Variants in ADH7 observed in about 807,000 individuals in gnomAD.
The protein encoded by ADH7 is alcohol dehydrogenase 7 (class IV), mu or sigma polypeptide.
In ADH7, 41 loss-of-function variants were observed where a neutral mutation model predicts 34.4. The observed-to-expected ratio is 1.19, with a 90% CI of 0.93 to 1.55. ADH7 has a LOEUF of 1.55. Among genes scored for constraint, ADH7 ranks in the 40% most tolerant of loss-of-function variants. ADH7 has a pLI of 0.00. For synonymous variants in ADH7, 180 were observed against 160.9 expected, an observed-to-expected ratio of 1.12 and a Z score of -0.90; for missense variants, 540 against 461.2, an observed-to-expected ratio of 1.17 and a Z score of -1.56.
At chr4:99,428,878 G>T (rs1470041158) in intron 2 of ADH7, among the ~76,000 whole-genome samples, 6 of 152,124 alleles carry the variant, frequency 3.9e-5, no homozygotes, top group Non-Finnish European at 8.8e-5. Context: ...GTAAATTGGT[G>T]CTCTTGTGAG....
At chr4:99,426,723 A>T (rs1335183679) in intron 5 of ADH7, among the ~76,000 whole-genome samples, 2 of 152,214 alleles carry the variant, frequency 1.3e-5, no homozygotes, top group African/African-American at 4.8e-5. Context: ...GGCCAGCATC[A>T]TCCTGATATC....
At chr4:99,415,357 AT>A in intron 8 of ADH7, 120 bp downstream of exon 8, 3 of 1,069,302 alleles carry the variant, frequency 2.8e-6, no homozygotes, top group Non-Finnish European at 4.2e-6. Context: ...AATTAGCTGT[AT>A]CAATCTGGCT....
intron 5 of ADH7, among the ~76,000 whole-genome samples, chr4:99,426,264 T>A (rs544458386): frequency 6.6e-6 from 1 of 152,100 alleles, no homozygotes; most frequent in South Asian, 2.1e-4. Flanking sequence ...AATTAATGAA[T>A]CATGGAGCTG....
chr4:99,419,918 T>A (rs2584465), intron 6 of ADH7, among the ~76,000 whole-genome samples: 109,451 of 152,106 alleles, frequency 0.72, 40,000 homozygotes, highest in African/African-American at 0.84. Context: ...CCATTTTTCC[T>A]AGTCTCTTTA....
chr4:99,430,859 G>T (rs950776971), intron 1 of ADH7, among the ~76,000 whole-genome samples: 1 of 151,868 alleles, frequency 6.6e-6, no homozygotes, highest in Non-Finnish European at 1.5e-5. Flanking sequence ...GTGTAGTGGC[G>T]CAATCTGGGC....
intron 5 of ADH7, among the ~76,000 whole-genome samples, 176 bp from the exon 6 acceptor site, chr4:99,420,969 G>T (rs4318659): frequency 6.6e-6 from 1 of 152,292 alleles, no homozygotes; most frequent in East Asian, 1.9e-4. Context: ...TCTTCAAGGA[G>T]AATTACAAAC....
chr4:99,430,503 T>C (rs1167790667), intron 1 of ADH7, among the ~76,000 whole-genome samples: 1 of 152,234 alleles, frequency 6.6e-6, no homozygotes, highest in Non-Finnish European at 1.5e-5. Flanking sequence ...AATATTTTAA[T>C]TAATTTGTTC....
At chr4:99,415,741 G>A in intron 7 of ADH7, 125 bp from the exon 8 acceptor site, 1 of 993,078 alleles carries the variant, frequency 1.0e-6, no homozygotes. Context: ...TCCCAGCAGT[G>A]TACAAATAAG....
intron 7 of ADH7, among the ~76,000 whole-genome samples, chr4:99,418,367 G>C (rs533955368): frequency 6.6e-6 from 1 of 151,998 alleles, no homozygotes; most frequent in African/African-American, 2.4e-5. Flanking sequence ...AATATTGGGA[G>C]TACCTTCAAA....
At position 99,413,027 on chromosome 4, in the gene ADH7, TCAA is replaced by T. The variant is rs1382979883; in HGVS notation, c.*118_*120del. On this transcript the variant is annotated 3_prime_UTR_variant, in exon 9 of 9. Transcript: ENST00000437033. ...AATTCTTTATAAGGGTTCTATGTCT[TCAA>T]CAAATCTTCTACTTATGCTTGTATT... 5 of 1,061,818 alleles carry T rather than the reference TCAA, an allele frequency of 4.7e-6. No individual in the cohort carries two copies. The highest frequency in any genetic ancestry group is 3.2e-5 in the African/African-American group (2 of 62,340). 65.8% of individuals were successfully genotyped at this position (1,061,818 alleles called of 1,614,324 possible).
intron 1 of ADH7, chr4:99,434,960 A>G: frequency 2.3e-6 from 3 of 1,326,280 alleles, no homozygotes; most frequent in Non-Finnish European, 3.1e-6. Context: ...AATAATGCCA[A>G]TATAAATCAA....
At chr4:99,434,593 G>T (rs1406390936) in intron 1 of ADH7, among the ~76,000 whole-genome samples, 2 of 151,938 alleles carry the variant, frequency 1.3e-5, no homozygotes, top group African/African-American at 4.8e-5. Flanking sequence ...ACAAAGCAAA[G>T]CTGTTTCTAA....
In ADH7 at chr4:99,412,488, A is replaced by C. The variant is rs1476523790; in HGVS notation, c.*660T>G. 1 of 152,158 alleles carries C rather than the reference A, an allele frequency of 6.6e-6. No homozygotes were observed. The highest frequency in any genetic ancestry group is 6.5e-5 in the Admixed American group (1 of 15,276). The allele number at this position is 152,158 out of a possible 1,614,324, so 9.4% of individuals were successfully genotyped here. A position where few individuals can be genotyped will look rare whatever the true frequency, so the allele number is the denominator to read the frequency against. ...CTATGTTTATATTCAGTATTACAAA[A>C]GGAATATTTTCTAAAATATTAATAT... On this transcript the variant is annotated 3_prime_UTR_variant, in exon 9 of 9. Coordinates refer to ENST00000437033, the MANE Select transcript of ADH7 (RefSeq NM_000673.7).
intron 8 of ADH7, among the ~76,000 whole-genome samples, chr4:99,413,457 CA>C (rs753856187): frequency 3.3e-5 from 5 of 152,130 alleles, no homozygotes; most frequent in Non-Finnish European, 7.4e-5. Context: ...AACATGTGAA[CA>C]GGAAAGGTAA....
Position 99,412,524 on chromosome 4 carries a change from A to G in ADH7, c.*624T>C, listed in dbSNP as rs1579569123. 6.6e-6 allele frequency: 1 copy of G among 152,232 alleles called. No homozygotes were observed. Among genetic ancestry groups the G allele is most frequent in the East Asian group, 1.9e-4 (1 of 5,182 alleles). The allele number at this position is 152,232 out of a possible 1,614,324, so 9.4% of individuals were successfully genotyped here. ...CTAAAATATTAATATATGCTGGCAAATAGCCTTGTGTACCCATATGATATA... is the reference window on the plus strand; with the variant it reads ...CTAAAATATTAATATATGCTGGCAAGTAGCCTTGTGTACCCATATGATATA... On this transcript the variant is annotated 3_prime_UTR_variant, in exon 9 of 9. Transcript: ENST00000437033.
chr4:99,424,024 A>G (rs1268189610), intron 5 of ADH7, among the ~76,000 whole-genome samples: 1 of 151,968 alleles, frequency 6.6e-6, no homozygotes, highest in Non-Finnish European at 1.5e-5. Context: ...CTAATGTTTA[A>G]GTCTTTAATC....
At chr4:99,418,646 C>A (rs977523119) in intron 7 of ADH7, among the ~76,000 whole-genome samples, 1 of 152,086 alleles carries the variant, frequency 6.6e-6, no homozygotes, top group Non-Finnish European at 1.5e-5. Flanking sequence ...CGAATAAATT[C>A]ACTTTAATAC....
intron 1 of ADH7, 130 bp from the exon 2 acceptor site, chr4:99,429,763 A>T (rs979650921): frequency 1.5e-6 from 1 of 648,548 alleles, no homozygotes; most frequent in Non-Finnish European, 2.5e-6. Flanking sequence ...TTCATCAAAC[A>T]CTAGTATTAT....
chr4:99,425,802 G>A (rs562642514), intron 5 of ADH7, among the ~76,000 whole-genome samples: 3,605 of 152,044 alleles, frequency 0.024, 83 homozygotes, highest in Non-Finnish European at 0.037. Context: ...TGACCACATA[G>A]TTGGAAGTAA....
Sources: allele counts gnomAD v4.1 joint callset (sites outside exome capture counted in the v4.1 genomes callset), GRCh38; gene constraint gnomAD v4.1.1; transcripts MANE v1.5; gene names NCBI Gene and HGNC (gene_info 2026-07-23, HGNC 2026-07-21).